Variants in ITGA2B observed in about 807,000 individuals in gnomAD.
The protein encoded by ITGA2B is integrin alpha-IIb.
A neutral mutation model predicts 142.0 loss-of-function variants in ITGA2B; 91 were observed. That is an observed-to-expected ratio of 0.64 (90% CI 0.54 to 0.76). The LOEUF is 0.76. Among genes scored for constraint, ITGA2B ranks in the 30% least tolerant of loss-of-function variants. ITGA2B has a pLI of 0.00. For missense variants in ITGA2B, 1,231 were observed against 1,350.8 expected, an observed-to-expected ratio of 0.91 and a Z score of 1.39; for synonymous variants, 536 against 567.2, an observed-to-expected ratio of 0.94 and a Z score of 0.78.
chr17:44,376,350 A>T lies in ITGA2B; in HGVS notation c.2306T>A (p.Leu769Gln). The part of the protein sequence containing the change: ...SQNPNSKIVL[L>Q]DVPVRAEAQV... Reference sequence around the variant, plus strand: ...GGCCTCTGCCCGGACCGGCACGTCCAGCAGCACAATCTTGCTGTTTGGATT... The same window carrying T: ...GGCCTCTGCCCGGACCGGCACGTCCTGCAGCACAATCTTGCTGTTTGGATT... The change falls in exon 23 of 30, where the codon CTG becomes CAG. Residue 769 changes from leucine to glutamine, a missense_variant. Leu to Gln is a moderately radical substitution (Grantham distance 113). Transcript: ENST00000262407. 1 of 1,614,190 alleles carries T rather than the reference A, an allele frequency of 6.2e-7. No individual in the cohort carries two copies. Among genetic ancestry groups the T allele is most frequent in the South Asian group, 1.1e-5 (1 of 91,086 alleles).
rs1431776887 is a variant in ITGA2B, at chr17:44,384,364, G to C, written c.848-10C>G. 7 of 1,613,736 alleles carry C rather than the reference G, an allele frequency of 4.3e-6. No individual in the cohort carries two copies. The highest frequency in any genetic ancestry group is 5.9e-6 in the Non-Finnish European group (7 of 1,179,954). On this transcript the variant is annotated splice_polypyrimidine_tract_variant and intron_variant, in intron 8 of 29. Coordinates refer to ENST00000262407, the MANE Select transcript of ITGA2B (RefSeq NM_000419.5). ...GCACCGACGACATATTCTGGCGATA[G>C]GGAGAGCCAGGCTCAGGGAATGAGA...
chr17:44,374,914 C>T, intron 27 of ITGA2B, 84 bp downstream of exon 27: 3 of 1,330,572 alleles, frequency 2.3e-6, no homozygotes, highest in South Asian at 2.5e-5. Context: ...TCTTCCTGCC[C>T]TCCCACACCA....
In ITGA2B at chr17:44,384,350, A is replaced by G. The variant is rs917392470; in HGVS notation, c.852T>C (p.Tyr284=). ...EFDGDLNTTE[Y]VVGAPTWSWT... is the part of the protein sequence containing the mutation. ...AGCTCCAAGTGGGGGCACCGACGAC[A>G]TATTCTGGCGATAGGGAGAGCCAGG... The change falls in exon 9 of 30, where the codon TAT becomes TAC. Residue 284 remains tyrosine, a synonymous_variant. Transcript: ENST00000262407. The G allele has an allele frequency of 2.0e-5, 33 of 1,613,636 alleles. No individual in the cohort carries two copies. Among genetic ancestry groups the G allele is most frequent in the African/African-American group, 2.7e-5 (2 of 74,894 alleles).
chr17:44,377,797 G>A lies in ITGA2B; in HGVS notation c.2095-7C>T. ...AGATGAGTCTCTCAAAGCCCTTCAGGAAGGCAGTTCCAAGAAAGAAATTAC... is the reference window on the plus strand; with the variant it reads ...AGATGAGTCTCTCAAAGCCCTTCAGAAAGGCAGTTCCAAGAAAGAAATTAC... On this transcript the variant is annotated splice_polypyrimidine_tract_variant and splice_region_variant and intron_variant, in intron 20 of 29. Transcript: ENST00000262407. 1.1e-5 allele frequency: 17 copies of A among 1,569,774 alleles called. No individual in the cohort carries two copies. The highest frequency in any genetic ancestry group is 1.5e-5 in the Non-Finnish European group (17 of 1,149,760).
rs969580151 is a variant in ITGA2B at position 44,385,032 on chromosome 17, G to C, written c.715C>G (p.Arg239Gly). ...APVADIFSSY[R>G]PGILLWHVSS... Reference sequence around the variant, plus strand: ...ACGTGCCACAAAAGGATGCCTGGGCGGTAACTCGAGAAAATATCCGCAACT... The same window carrying C: ...ACGTGCCACAAAAGGATGCCTGGGCCGTAACTCGAGAAAATATCCGCAACT... Residue 239 changes from arginine (R) to glycine (G), a missense_variant, in exon 7 of 30, where the codon CGC (arginine) becomes GGC (glycine). By Grantham distance (125) the Arg-to-Gly change is moderately radical. Around this residue, in one of 3 missense-constraint regions of ITGA2B, gnomAD observed 318 missense variants for 312.2 expected, o/e 1.02. Coordinates refer to ENST00000262407, the MANE Select transcript of ITGA2B (RefSeq NM_000419.5). 1.9e-6 allele frequency: 3 copies of C among 1,614,058 alleles called. No individual in the cohort carries two copies. In the African/African-American group the frequency reaches 4.0e-5, roughly 22 times the overall value.
At chr17:44,387,893 G>C (rs991864985) in intron 1 of ITGA2B, among the ~76,000 whole-genome samples, 2 of 138,730 alleles carry the variant, frequency 1.4e-5, no homozygotes, top group African/African-American at 5.4e-5. Context: ...GTTGATGAAA[G>C]AGGGCTGGAC....
At chr17:44,375,287 C>T in intron 26 of ITGA2B, 176 bp from the exon 27 acceptor site, 2 of 675,590 alleles carry the variant, frequency 3.0e-6, no homozygotes, top group Non-Finnish European at 5.3e-6. Context: ...CGGGCTTGCT[C>T]ACATAGTCCC....
At chr17:44,386,713 G>A (rs1413996658) in intron 1 of ITGA2B, among the ~76,000 whole-genome samples, 20 of 152,240 alleles carry the variant, frequency 1.3e-4, no homozygotes, top group Admixed American at 1.3e-3. Flanking sequence ...AGGAGTAAAT[G>A]TAATAAATAC....
intron 7 of ITGA2B, 125 bp downstream of exon 7, chr17:44,384,823 G>C: frequency 6.7e-7 from 1 of 1,490,490 alleles, no homozygotes; most frequent in Non-Finnish European, 9.3e-7. Context: ...GCGGAGGGCG[G>C]GAGCGGCTTA....
intron 18 of ITGA2B, 57 bp downstream of exon 18, chr17:44,379,632 T>A: frequency 6.2e-7 from 1 of 1,612,070 alleles, no homozygotes; most frequent in South Asian, 1.1e-5. Flanking sequence ...CTAACCCTAA[T>A]CCTGATTTGC....
chr17:44,374,536 C>T, intron 28 of ITGA2B, 66 bp from the exon 29 acceptor site: 1 of 1,556,192 alleles, frequency 6.4e-7, no homozygotes, highest in Non-Finnish European at 8.9e-7. Context: ...ACTCAAACCT[C>T]AGGCTGGTGA....
At chr17:44,379,600 G>A in intron 18 of ITGA2B, 89 bp downstream of exon 18, 1 of 1,592,246 alleles carries the variant, frequency 6.3e-7, no homozygotes, top group South Asian at 1.1e-5. Context: ...CAAGGTTTTG[G>A]GGTTCACATT....
At chr17:44,377,616 G>A (rs1347437330) in intron 21 of ITGA2B, 82 bp downstream of exon 21, 3 of 1,003,080 alleles carry the variant, frequency 3.0e-6, no homozygotes, top group East Asian at 4.8e-5. Flanking sequence ...CCAGAACTAT[G>A]TGGCTCTAAA....
chr17:44,388,523 A>ATT (rs544835449), intron 1 of ITGA2B, among the ~76,000 whole-genome samples: 1 of 133,358 alleles, frequency 7.5e-6, no homozygotes, highest in Admixed American at 7.4e-5. Context: ...CGCCCGGCTA[A>ATT]TTTTTTTTTT....
Position 44,384,598 on chromosome 17 carries a change from G to A in ITGA2B, c.800-13C>T, listed in dbSNP as rs777101290. 8.7e-6 allele frequency: 14 copies of A among 1,613,962 alleles called. No homozygotes were observed. In the East Asian group the frequency reaches 2.9e-4, roughly 33 times the overall value. ...GCCACCGAGTACCCTGAGGACAAGGGCGCAAATTAGTCTTTTCCAGGGGAG... is the reference window on the plus strand; with the variant it reads ...GCCACCGAGTACCCTGAGGACAAGGACGCAAATTAGTCTTTTCCAGGGGAG... On this transcript the variant is annotated splice_polypyrimidine_tract_variant and intron_variant, in intron 7 of 29. Coordinates refer to ENST00000262407, the MANE Select transcript of ITGA2B (RefSeq NM_000419.5).
At chr17:44,384,889 G>T in intron 7 of ITGA2B, 59 bp downstream of exon 7, 1 of 1,611,930 alleles carries the variant, frequency 6.2e-7, no homozygotes, top group South Asian at 1.1e-5. Context: ...GGCAGGACCT[G>T]ACCGTCTGCG....
intron 1 of ITGA2B, among the ~76,000 whole-genome samples, chr17:44,387,852 A>AAAAAAAAG (rs2048663912): frequency 6.7e-6 from 1 of 149,870 alleles, no homozygotes; most frequent in African/African-American, 2.5e-5. Context: ...AAAAAAAAAA[A>AAAAAAAAG]AAGAAGAAGA....
At chr17:44,372,505 T>C (rs1165119259) in intron 29 of ITGA2B, 82 bp from the exon 30 acceptor site, 20 of 1,257,118 alleles carry the variant, frequency 1.6e-5, no homozygotes, top group Non-Finnish European at 2.1e-5. Context: ...ATGCTAGCTA[T>C]GAGCACCTCC....
intron 11 of ITGA2B, 55 bp downstream of exon 11, chr17:44,383,839 C>T: frequency 6.2e-7 from 1 of 1,601,442 alleles, no homozygotes; most frequent in Non-Finnish European, 8.5e-7. Context: ...AGACAGAGGG[C>T]AGCTCTGGTA....
Sources: allele counts gnomAD v4.1 joint callset (sites outside exome capture counted in the v4.1 genomes callset), GRCh38; gene constraint gnomAD v4.1.1; regional missense constraint gnomAD v4.1.1; transcripts MANE v1.5; gene names NCBI Gene and HGNC (gene_info 2026-07-23, HGNC 2026-07-21).